SPIDR: variants seen among roughly 807,000 people sequenced by gnomAD.
The protein encoded by SPIDR is scaffold protein involved in DNA repair.
SPIDR carries 93 observed loss-of-function variants against 104.6 expected under a neutral mutation model. The observed-to-expected ratio is 0.89, with a 90% CI of 0.75 to 1.06. The LOEUF (loss-of-function observed/expected upper bound fraction) is 1.06. Ranked by LOEUF, SPIDR falls within the 50% of genes least tolerant of loss-of-function variation. The pLI is 0.00. For missense variants in SPIDR, 1,154 were observed against 1,111.2 expected (o/e 1.04, Z -0.55); for synonymous variants, 431 against 416.9 (o/e 1.03, Z -0.41).
At chr8:47,537,428 C>A (rs1404173162) in intron 8 of SPIDR, among the ~76,000 whole-genome samples, 1 of 152,092 alleles carries the variant, frequency 6.6e-6, no homozygotes, top group South Asian at 2.1e-4. Flanking sequence ...CATAGAGGAA[C>A]CTTAAATGCA....
At chr8:47,630,595 C>A (rs1052430912) in intron 10 of SPIDR, among the ~76,000 whole-genome samples, 1 of 152,184 alleles carries the variant, frequency 6.6e-6, no homozygotes, top group African/African-American at 2.4e-5. Context: ...TCCCTACATC[C>A]ATCCTGGGTG....
chr8:47,633,569 A>AC (rs921172990), intron 10 of SPIDR, among the ~76,000 whole-genome samples: 2 of 150,976 alleles, frequency 1.3e-5, no homozygotes, highest in South Asian at 2.1e-4. Context: ...AAAAAAAAAA[A>AC]AAAACAAAAA....
At position 47,708,321 on chromosome 8, in the gene SPIDR, A is replaced by G. The variant is rs573860309; in HGVS notation, c.1978-4341A>G. ...CTCAAAAACAAACAAACAAACAAAA[A>G]ACTTTCCCTGATTACACAGGGCTAT... is the stretch of plus-strand genomic sequence containing the variant. On this transcript the variant is annotated intron_variant, in intron 14 of 19. Transcript: ENST00000297423. Among the ~76,000 whole-genome samples the G allele has an allele frequency of 1.0e-3, 154 of 152,180 alleles. 1 individual carries two copies. The highest frequency in any genetic ancestry group is 1.8e-3 in the Non-Finnish European group (123 of 67,954).
At chr8:47,364,402 C>A (rs2056786083) in intron 5 of SPIDR, among the ~76,000 whole-genome samples, 1 of 152,132 alleles carries the variant, frequency 6.6e-6, no homozygotes, top group Non-Finnish European at 1.5e-5. Context: ...TAATTTGGGT[C>A]AAAAGTAATC....
intron 8 of SPIDR, among the ~76,000 whole-genome samples, chr8:47,466,814 C>T (rs1027199076): frequency 4.9e-5 from 7 of 143,710 alleles, no homozygotes; most frequent in Non-Finnish European, 1.1e-4. Context: ...AAGAAATAAC[C>T]AAAGTCAGAG....
chr8:47,477,611 G>C (rs2076429184), intron 8 of SPIDR, among the ~76,000 whole-genome samples: 1 of 152,238 alleles, frequency 6.6e-6, no homozygotes, highest in Non-Finnish European at 1.5e-5. Flanking sequence ...CTAGAGGAGA[G>C]AGTAAAAGAG....
chr8:47,374,259 T>C (rs1002272961), intron 5 of SPIDR, among the ~76,000 whole-genome samples: 2 of 152,184 alleles, frequency 1.3e-5, no homozygotes, highest in African/African-American at 2.4e-5. Flanking sequence ...TGGTGGCTCA[T>C]GCCTGTAATC....
At chr8:47,716,128 C>A (rs2082558172) in intron 16 of SPIDR, among the ~76,000 whole-genome samples, 1 of 152,022 alleles carries the variant, frequency 6.6e-6, no homozygotes, top group Non-Finnish European at 1.5e-5. Context: ...CCACACCTGG[C>A]TACTTTTTGT....
chr8:47,462,781 A>T (rs2074152488), intron 8 of SPIDR, among the ~76,000 whole-genome samples: 6 of 152,228 alleles, frequency 3.9e-5, no homozygotes, highest in Admixed American at 3.9e-4. Flanking sequence ...ATTTCTAAAG[A>T]CATCACATCT....
intron 7 of SPIDR, among the ~76,000 whole-genome samples, chr8:47,416,267 T>C (rs1446637372): frequency 6.6e-6 from 1 of 152,096 alleles, no homozygotes; most frequent in Non-Finnish European, 1.5e-5. Context: ...GTTATAGAAA[T>C]GGAATAATAT....
At chr8:47,709,085 G>T (rs2081476962) in intron 14 of SPIDR, among the ~76,000 whole-genome samples, 1 of 151,082 alleles carries the variant, frequency 6.6e-6, no homozygotes, top group African/African-American at 2.4e-5. Flanking sequence ...AGATTTTCTT[G>T]CCTTAGCCTC....
intron 10 of SPIDR, among the ~76,000 whole-genome samples, chr8:47,615,781 G>T (rs1384956778): frequency 6.6e-6 from 1 of 152,000 alleles, no homozygotes; most frequent in African/African-American, 2.4e-5. Context: ...TCACTATATG[G>T]CAGTAGCTTA....
chr8:47,379,844 C>T (rs1014562422), intron 5 of SPIDR, among the ~76,000 whole-genome samples: 1 of 152,122 alleles, frequency 6.6e-6, no homozygotes, highest in Non-Finnish European at 1.5e-5. Context: ...AGGAGCACCC[C>T]CTGGGCCCAC....
intron 8 of SPIDR, among the ~76,000 whole-genome samples, chr8:47,485,545 G>A (rs782718640): frequency 2.0e-5 from 3 of 152,242 alleles, no homozygotes; most frequent in Non-Finnish European, 2.9e-5. Context: ...AGAACGGACA[G>A]ACTGCCTCCT....
intron 8 of SPIDR, among the ~76,000 whole-genome samples, chr8:47,552,211 T>A (rs1242585131): frequency 6.6e-6 from 1 of 152,226 alleles, no homozygotes; most frequent in Non-Finnish European, 1.5e-5. Context: ...AATTTTGGAA[T>A]AAGTGCGATG....
At chr8:47,545,133 T>TG (rs1438538872) in intron 8 of SPIDR, among the ~76,000 whole-genome samples, 1 of 141,190 alleles carries the variant, frequency 7.1e-6, no homozygotes, top group South Asian at 2.2e-4. Context: ...TTTTTTTTTT[T>TG]TTGTTGAAAC....
chr8:47,503,034 G>GCTGAGGAGTGCTTTACTTC (rs1241634740), intron 8 of SPIDR, among the ~76,000 whole-genome samples: 2 of 152,176 alleles, frequency 1.3e-5, no homozygotes, highest in African/African-American at 4.8e-5. Context: ...TTTTACATTT[G>GCTGAGGAGTGCTTTACTTC]CTGAGGAGTG....
chr8:47,676,501 AAC>A, intron 11 of SPIDR, among the ~76,000 whole-genome samples: 1 of 146,412 alleles, frequency 6.8e-6, no homozygotes, highest in Non-Finnish European at 1.5e-5. Context: ...TGGCCCAGTA[AAC>A]ACAACATTCT....
At chr8:47,470,423 G>A (rs2075528356) in intron 8 of SPIDR, among the ~76,000 whole-genome samples, 1 of 151,952 alleles carries the variant, frequency 6.6e-6, no homozygotes, top group Admixed American at 6.6e-5. Context: ...CAAGTAGCTG[G>A]AATTACAGGC....
Sources: gnomAD v4.1 joint callset for allele counts (sites outside exome capture counted in the v4.1 genomes callset) on GRCh38, gnomAD v4.1.1 for gene constraint, MANE v1.5 for transcripts, NCBI Gene and HGNC (gene_info 2026-07-23, HGNC 2026-07-21) for gene names.